THSD4: variants seen among roughly 807,000 people sequenced by gnomAD.
THSD4 encodes thrombospondin type-1 domain-containing protein 4.
THSD4 carries 69 observed loss-of-function variants against 119.0 expected under a neutral mutation model. That is an observed-to-expected ratio of 0.58 (90% CI 0.48 to 0.71). THSD4 has a LOEUF of 0.71. Ranked by LOEUF, THSD4 falls within the 30% of genes least tolerant of loss-of-function variation. The pLI, the probability that THSD4 is intolerant of heterozygous loss-of-function variation, is 0.00. For missense variants in THSD4, 1,393 were observed against 1,391.1 expected (o/e 1.00, Z -0.02); for synonymous variants, 524 against 540.4 (o/e 0.97, Z 0.42).
At chr15:71,686,911 A>C (rs138910078) in intron 8 of THSD4, among the ~76,000 whole-genome samples, 1 of 152,316 alleles carries the variant, frequency 6.6e-6, no homozygotes, top group Non-Finnish European at 1.5e-5. Context: ...GGTGACCGCC[A>C]CACTAAATGA....
At chr15:71,321,879 T>G (rs1366089391) in intron 6 of THSD4, among the ~76,000 whole-genome samples, 4 of 152,070 alleles carry the variant, frequency 2.6e-5, no homozygotes, top group Non-Finnish European at 4.4e-5. Flanking sequence ...CAATTCAATA[T>G]GGGCAAAAAA....
intron 7 of THSD4, among the ~76,000 whole-genome samples, chr15:71,503,486 T>C (rs997788893): frequency 1.3e-5 from 2 of 152,180 alleles, no homozygotes; most frequent in Non-Finnish European, 2.9e-5. Context: ...CATAGAGCTG[T>C]TCCACCTTGG....
In THSD4 at chr15:71,728,560, C is replaced by A. The variant is rs376730199; in HGVS notation, c.1369C>A (p.Arg457Ser). The A allele has an allele frequency of 3.7e-6, 6 of 1,613,968 alleles. No individual in the cohort carries two copies. Among genetic ancestry groups the A allele is most frequent in the Non-Finnish European group, 5.1e-6 (6 of 1,179,996 alleles). The change falls in exon 9 of 18, where the codon CGT becomes AGT. Residue 457 changes from arginine to serine, a missense_variant. By Grantham distance (110) the Arg-to-Ser change is moderately radical. Coordinates refer to ENST00000261862, the MANE Select transcript of THSD4 (RefSeq NM_024817.3). The part of the protein sequence containing the change: ...KSNNYLALRS[R>S]SGRSIINGNW... ...ATTTTTCTCAACAGCCCTGAGAAGT[C>A]GTTCTGGACGCTCCATCATCAATGG...
At chr15:71,524,551 T>C (rs1303351425) in intron 7 of THSD4, among the ~76,000 whole-genome samples, 1 of 149,246 alleles carries the variant, frequency 6.7e-6, no homozygotes, top group East Asian at 2.0e-4. Context: ...AGGAGGAAGA[T>C]GGAGATGAGC....
intron 6 of THSD4, among the ~76,000 whole-genome samples, chr15:71,298,702 T>A (rs1750640368): frequency 1.3e-5 from 2 of 148,292 alleles, no homozygotes; most frequent in South Asian, 4.3e-4. Context: ...AATCTCTGCC[T>A]CCTGGGTTCA....
chr15:71,162,070 CTT>C (rs2043254373), intron 3 of THSD4, among the ~76,000 whole-genome samples: 1 of 151,940 alleles, frequency 6.6e-6, no homozygotes, highest in African/African-American at 2.4e-5. Flanking sequence ...ACATCTGCAT[CTT>C]TTGTATGTTC....
At chr15:71,619,153 G>A (rs2050375177) in intron 7 of THSD4, among the ~76,000 whole-genome samples, 1 of 151,604 alleles carries the variant, frequency 6.6e-6, no homozygotes, top group African/African-American at 2.4e-5. Context: ...TATTTTTTTA[G>A]TGGAGATGGG....
At chr15:71,457,368 A>G (rs1353594804) in intron 7 of THSD4, among the ~76,000 whole-genome samples, 1 of 109,236 alleles carries the variant, frequency 9.2e-6, no homozygotes, top group Non-Finnish European at 1.7e-5. Context: ...TGGCAGAGTG[A>G]GATCTCGCCT....
chr15:71,566,901 ATT>A (rs76547678), intron 7 of THSD4, among the ~76,000 whole-genome samples: 66 of 148,748 alleles, frequency 4.4e-4, no homozygotes, highest in South Asian at 2.8e-3. Flanking sequence ...GAGTACTGTC[ATT>A]TTTTTTTTTC....
chr15:71,385,212 A>G (rs910151264), intron 6 of THSD4, among the ~76,000 whole-genome samples: 14 of 152,142 alleles, frequency 9.2e-5, no homozygotes, highest in African/African-American at 3.4e-4. Flanking sequence ...AGAGCTCTAG[A>G]CACAACGCTG....
chr15:71,347,101 C>T (rs1228211247), intron 6 of THSD4, among the ~76,000 whole-genome samples: 6 of 151,818 alleles, frequency 4.0e-5, no homozygotes, highest in South Asian at 2.1e-4. Context: ...CTCGAACTCC[C>T]GACCTCAGGC....
chr15:71,640,738 T>C (rs1293640255), intron 7 of THSD4, among the ~76,000 whole-genome samples: 1 of 152,184 alleles, frequency 6.6e-6, no homozygotes, highest in Non-Finnish European at 1.5e-5. Context: ...GTCTCTGAAC[T>C]CCTCAGCTGT....
intron 8 of THSD4, among the ~76,000 whole-genome samples, chr15:71,684,759 TG>T (rs1022606393): frequency 6.6e-6 from 1 of 152,040 alleles, no homozygotes; most frequent in Non-Finnish European, 1.5e-5. Context: ...CTCTCTGAGG[TG>T]GAGGTTAGGT....
At chr15:71,591,026 AAAAAAAAAAAAG>A (rs1292404517) in intron 7 of THSD4, among the ~76,000 whole-genome samples, 3 of 150,784 alleles carry the variant, frequency 2.0e-5, no homozygotes, top group African/African-American at 7.3e-5. Flanking sequence ...AAAAAAAAAA[AAAAAAAAAAAAG>A]TTGAAGAAAA....
chr15:71,731,028 A>T, intron 9 of THSD4, 93 bp from the exon 10 acceptor site: 2 of 1,184,566 alleles, frequency 1.7e-6, no homozygotes, highest in Non-Finnish European at 1.2e-6. Context: ...GAACCAACCC[A>T]GTCATTTCTC....
intron 7 of THSD4, among the ~76,000 whole-genome samples, chr15:71,590,824 A>G (rs2049782276): frequency 6.6e-6 from 1 of 151,960 alleles, no homozygotes; most frequent in South Asian, 2.1e-4. Context: ...TAACACGGTG[A>G]AACCCTGTCT....
intron 7 of THSD4, among the ~76,000 whole-genome samples, chr15:71,505,566 G>A (rs1277890622): frequency 6.6e-6 from 1 of 152,162 alleles, no homozygotes; most frequent in Non-Finnish European, 1.5e-5. Context: ...TGGAAAAGCA[G>A]CGGTCAAAAG....
intron 7 of THSD4, among the ~76,000 whole-genome samples, chr15:71,434,826 C>T (rs1038413598): frequency 6.6e-6 from 1 of 152,088 alleles, no homozygotes; most frequent in Non-Finnish European, 1.5e-5. Context: ...TATTAGATTT[C>T]AATGGGGACA....
chr15:71,312,253 G>C (rs2045120729), intron 6 of THSD4, among the ~76,000 whole-genome samples: 2 of 152,206 alleles, frequency 1.3e-5, no homozygotes, highest in African/African-American at 4.8e-5. Flanking sequence ...GCTGGAAACC[G>C]GGAGGCAGAG....
Sources: allele counts gnomAD v4.1 joint callset (sites outside exome capture counted in the v4.1 genomes callset), GRCh38; gene constraint gnomAD v4.1.1; transcripts MANE v1.5; gene names NCBI Gene and HGNC (gene_info 2026-07-23, HGNC 2026-07-21).